The following NUP62 variants were observed in gnomAD, a reference collection of about 807,000 sequenced individuals.
NUP62 encodes the protein nuclear pore glycoprotein p62.
For synonymous variants in NUP62, 305 were observed against 303.4 expected, an observed-to-expected ratio of 1.01 and a Z score of -0.05; for missense variants, 647 against 689.4, an observed-to-expected ratio of 0.94 and a Z score of 0.69.
intron 2 of NUP62, among the ~76,000 whole-genome samples, chr19:49,926,095 G>A (rs1230222576): frequency 6.6e-6 from 1 of 151,360 alleles, no homozygotes; most frequent in Non-Finnish European, 1.5e-5. Flanking sequence ...TGTAATCCCA[G>A]CTACTCTGGA....
intron 2 of NUP62, among the ~76,000 whole-genome samples, chr19:49,912,533 C>CTGATG (rs2075496964): frequency 6.6e-6 from 1 of 152,032 alleles, no homozygotes; most frequent in Non-Finnish European, 1.5e-5. Context: ...GATCTATTCA[C>CTGATG]AATGGTGAAC....
At chr19:49,911,650 C>A (rs1183765287) in intron 2 of NUP62, among the ~76,000 whole-genome samples, 1 of 152,184 alleles carries the variant, frequency 6.6e-6, no homozygotes, top group Non-Finnish European at 1.5e-5. Context: ...GGGGAGATGA[C>A]CCCAGGGCCA....
At position 49,908,849 on chromosome 19, in the gene NUP62, G is replaced by A; in HGVS notation, c.959C>T (p.Ala320Val). Residue 320 changes from alanine (A) to valine (V), a missense_variant, in exon 3 of 3, where the codon GCA becomes GTA. Ala to Val is a moderately conservative substitution (Grantham distance 64, BLOSUM62 0). Coordinates refer to ENST00000352066, the MANE Select transcript of NUP62 (RefSeq NM_016553.5). Reference sequence around the variant, plus strand: ...CATGGCGGAGCTGGCAGCCGCCCCTGCAGCTGCGCCAGGGCCAGGTGGAGC... The same window carrying A: ...CATGGCGGAGCTGGCAGCCGCCCCTACAGCTGCGCCAGGGCCAGGTGGAGC... ...VTAPPGPGAAAGAAASSAMTY... is the reference protein window; with the variant it reads ...VTAPPGPGAAVGAAASSAMTY... 1 of 1,612,362 alleles carries A rather than the reference G, an allele frequency of 6.2e-7. No homozygotes were observed. The highest frequency in any genetic ancestry group is 8.5e-7 in the Non-Finnish European group (1 of 1,179,972).
rs1271060989 is a variant in NUP62, at chr19:49,908,976, T to C, written c.832A>G (p.Thr278Ala). 1.2e-6 allele frequency: 2 copies of C among 1,609,174 alleles called. No individual in the cohort carries two copies. Among genetic ancestry groups the C allele is most frequent in the South Asian group, 2.2e-5 (2 of 90,954 alleles). The part of the protein sequence containing the change: ...STTTSTAATA[T>A]ATTTSSSSTT... ...CTGCTGCTGCTGGTGGTGGTGGCGG[T>C]GGCGGTGGCAGCGGTGGATGTTGTT... The change falls in exon 3 of 3, where the codon ACC becomes GCC. Residue 278 changes from threonine (T) to alanine (A), a missense_variant. By Grantham distance (58) the Thr-to-Ala change is moderately conservative (BLOSUM62 0). Transcript: ENST00000352066.
chr19:49,926,796 C>CT (rs1164652561), intron 2 of NUP62, among the ~76,000 whole-genome samples: 1 of 151,878 alleles, frequency 6.6e-6, no homozygotes, highest in Non-Finnish European at 1.5e-5. Context: ...AGGCGTTAGT[C>CT]TAACTGCTCG....
At chr19:49,915,708 G>A (rs2075606186) in intron 2 of NUP62, among the ~76,000 whole-genome samples, 1 of 152,254 alleles carries the variant, frequency 6.6e-6, no homozygotes, top group Admixed American at 6.5e-5. Context: ...TCAGGGGCAG[G>A]TCTGCCCTTG....
In NUP62 at chr19:49,908,345, A is replaced by T. The variant is rs755832145; in HGVS notation, c.1463T>A (p.Ile488Asn). The change falls in exon 3 of 3, where the codon ATC becomes AAC. Residue 488 changes from isoleucine to asparagine, a missense_variant. By Grantham distance (149) the Ile-to-Asn change is moderately radical. Transcript: ENST00000352066. ...LNAHMDSLQW[I>N]DQNSALLQRK... ...CTGCAGCAGGGCCGAGTTCTGGTCG[A>T]TCCACTGCAGTGAGTCCATGTGCGC... 6.2e-7 allele frequency: 1 copy of T among 1,614,092 alleles called. No homozygotes were observed. The highest frequency in any genetic ancestry group is 8.5e-7 in the Non-Finnish European group (1 of 1,180,012).
chr19:49,909,443 G>T lies in NUP62; in HGVS notation c.365C>A (p.Thr122Asn). The T allele has an allele frequency of 6.2e-7, 1 of 1,614,140 alleles. No homozygotes were observed. The highest frequency in any genetic ancestry group is 8.5e-7 in the Non-Finnish European group (1 of 1,180,046). Residue 122 changes from threonine to asparagine, a missense_variant, in exon 3 of 3, where the codon ACT becomes AAT. Physicochemically the swap from Thr to Asn is moderately conservative, Grantham distance 65 (BLOSUM62 0). Transcript: ENST00000352066. ...SGFGLGSSNL[T>N]NAISSTVTSS... ...GGTGACGGTGCTCGATATGGCATTA[G>T]TGAGGTTGCTGCTGCCCAGCCCAAA... is the stretch of plus-strand genomic sequence containing the variant.
At chr19:49,926,533 AAAACCAAACC>A (rs150522332) in intron 2 of NUP62, among the ~76,000 whole-genome samples, 187 of 151,618 alleles carry the variant, frequency 1.2e-3, no homozygotes, top group East Asian at 7.1e-3. Context: ...CTGTCTCAAA[AAAACCAAACC>A]AAACCAAACC....
chr19:49,922,711 G>GAA (rs879873471), intron 2 of NUP62, among the ~76,000 whole-genome samples: 1 of 144,196 alleles, frequency 6.9e-6, no homozygotes. Flanking sequence ...GGATCTCACA[G>GAA]AAAAAAAAAA....
rs112195133 is a variant in NUP62, at chr19:49,925,464, AT to A, written c.-78+2229del. Among the ~76,000 whole-genome samples the A allele has an allele frequency of 1.6e-3, 220 of 141,320 alleles. 3 individuals are homozygous for A. The highest frequency in any genetic ancestry group is 2.4e-3 in the Admixed American group (34 of 14,122). 92.7% of individuals were successfully genotyped at this position (141,320 alleles called of 152,430 possible). A position where few individuals can be genotyped will look rare whatever the true frequency, so the allele number is the denominator to read the frequency against. ...TAAAAAAAGCCAAAAAAAAAAAAAA[AT>A]AGCATCCTACCTGGCCATCCTCTCA... On this transcript the variant is annotated intron_variant, in intron 2 of 2. Transcript: ENST00000352066.
At chr19:49,923,461 C>T (rs1171421772) in intron 2 of NUP62, among the ~76,000 whole-genome samples, 2 of 152,172 alleles carry the variant, frequency 1.3e-5, no homozygotes, top group Non-Finnish European at 2.9e-5. Context: ...GCCCTCGAAG[C>T]GTTCGGGGGA....
Position 49,909,424 on chromosome 19 carries a change from G to A in NUP62, c.384C>T (p.Thr128=), listed in dbSNP as rs753176320. 8.1e-6 allele frequency: 13 copies of A among 1,613,780 alleles called. No individual in the cohort carries two copies. Among genetic ancestry groups the A allele is most frequent in the South Asian group, 4.4e-5 (4 of 91,092 alleles). The change falls in exon 3 of 3, where the codon ACC becomes ACT. Residue 128 remains threonine, a synonymous_variant. Coordinates refer to ENST00000352066, the MANE Select transcript of NUP62 (RefSeq NM_016553.5). ...GTGCTGTGCCCTGGCTGGAGGTGAC[G>A]GTGCTCGATATGGCATTAGTGAGGT... ...SSNLTNAISS[T]VTSSQGTAPT... is the part of the protein sequence containing the mutation.
At chr19:49,924,376 G>A (rs938404808) in intron 2 of NUP62, among the ~76,000 whole-genome samples, 1 of 152,112 alleles carries the variant, frequency 6.6e-6, no homozygotes, top group Admixed American at 6.5e-5. Flanking sequence ...TTGCTGTGCG[G>A]GGGTTCTCCC....
intron 2 of NUP62, among the ~76,000 whole-genome samples, chr19:49,918,910 G>C (rs1182133518): frequency 8.8e-6 from 1 of 113,742 alleles, no homozygotes; most frequent in Non-Finnish European, 1.9e-5. Flanking sequence ...GGGGGGGGGC[G>C]GGGTGTGGGG....
chr19:49,924,454 TC>T (rs2075836686), intron 2 of NUP62, among the ~76,000 whole-genome samples: 1 of 151,872 alleles, frequency 6.6e-6, no homozygotes, highest in Non-Finnish European at 1.5e-5. Flanking sequence ...ATCCCCGAAC[TC>T]CCCGTCCCCG....
Position 49,908,256 on chromosome 19 carries a change from G to T in NUP62, c.1552C>A (p.Arg518=). Residue 518 remains arginine (R), a synonymous_variant, in exon 3 of 3, where the codon CGG becomes AGG. Coordinates refer to ENST00000352066, the MANE Select transcript of NUP62 (RefSeq NM_016553.5). ...GRRKEQERSF[R]ITFD ...GCTGTCGCTCAGTCAAAGGTGATCC[G>T]GAAGCTGCGCTCCTGCTCCTTGCGC... 6.2e-7 allele frequency: 1 copy of T among 1,613,430 alleles called. No homozygotes were observed.
chr19:49,908,954 C>CTGCTGG lies in NUP62; in HGVS notation c.853_854insCCAGCA (p.Ser284_Ser285insThrSer). Reference sequence around the variant, plus strand: ...ATTCAAGGCAAAGCCGGTGGTGCTGCTGCTGCTGGTGGTGGTGGCGGTGGC... The same window carrying CTGCTGG: ...ATTCAAGGCAAAGCCGGTGGTGCTGCTGCTGGTGCTGCTGGTGGTGGTGGCGGTGGC... On this transcript the variant is annotated inframe_insertion, in exon 3 of 3. Coordinates refer to ENST00000352066, the MANE Select transcript of NUP62 (RefSeq NM_016553.5). 1 of 1,608,886 alleles carries CTGCTGG rather than the reference C, an allele frequency of 6.2e-7. No homozygotes were observed. Among genetic ancestry groups the CTGCTGG allele is most frequent in the Non-Finnish European group, 8.5e-7 (1 of 1,177,456 alleles).
At chr19:49,917,238 G>A (rs1177697745) in intron 2 of NUP62, among the ~76,000 whole-genome samples, 1 of 152,182 alleles carries the variant, frequency 6.6e-6, no homozygotes, top group Non-Finnish European at 1.5e-5. Context: ...AGGCTCAGAC[G>A]CCGTCCTCCA....
Sources: allele counts gnomAD v4.1 joint callset (sites outside exome capture counted in the v4.1 genomes callset), GRCh38; gene constraint gnomAD v4.1.1; transcripts MANE v1.5; gene names NCBI Gene and HGNC (gene_info 2026-07-23, HGNC 2026-07-21).